Variants in BBOF1 observed in about 807,000 individuals in gnomAD.
BBOF1 encodes the protein basal body-orientation factor 1.
Under a neutral mutation model 68.0 loss-of-function variants are expected in BBOF1, and 62 were observed. The ratio of observed to expected loss-of-function variants is 0.91; its 90% CI spans 0.74 to 1.13. The LOEUF (loss-of-function observed/expected upper bound fraction) is 1.13. Among genes scored for constraint, BBOF1 ranks in the 50% most tolerant of loss-of-function variants. BBOF1 has a pLI of 0.00. For synonymous variants in BBOF1, 208 were observed against 198.8 expected, an observed-to-expected ratio of 1.05 and a Z score of -0.39; for missense variants, 534 against 600.1, an observed-to-expected ratio of 0.89 and a Z score of 1.15.
At chr14:74,043,982 A>T (rs2059893359) in intron 5 of BBOF1, among the ~76,000 whole-genome samples, 1 of 151,762 alleles carries the variant, frequency 6.6e-6, no homozygotes, top group African/African-American at 2.4e-5. Flanking sequence ...ACGGTGGCTC[A>T]CGCCTATAAT....
At chr14:74,066,970 C>T (rs1595118385), downstream of BBOF1, 3 of 1,344,290 alleles carry the variant, frequency 2.2e-6, no homozygotes, top group East Asian at 7.0e-5. Flanking sequence ...AATCCCAAAG[C>T]TTTAGGAGGC....
At chr14:74,042,764 T>C (rs1240162755) in intron 5 of BBOF1, among the ~76,000 whole-genome samples, 2 of 152,100 alleles carry the variant, frequency 1.3e-5, no homozygotes, top group Non-Finnish European at 2.9e-5. Context: ...GCCATGATTG[T>C]GTCACTGTAT....
In BBOF1 at chr14:74,064,794, A is replaced by T. The variant is rs758553673; in HGVS notation, c.*95A>T. 1 of 1,613,178 alleles carries T rather than the reference A, an allele frequency of 6.2e-7. No individual in the cohort carries two copies. Among genetic ancestry groups the T allele is most frequent in the Non-Finnish European group, 8.5e-7 (1 of 1,179,128 alleles). On this transcript the variant is annotated 3_prime_UTR_variant, in exon 12 of 12. Transcript: ENST00000394009. ...TCTTTAAGAAAATTTCTTAAAGGAA[A>T]AGACAAAAAATTTAACTCAAAAGTT...
Position 74,065,080 on chromosome 14 carries a change from C to A in BBOF1, c.*381C>A. ...GAAGAAATGGGGCAATGTGGGAGGTCATGGGGGCAATCTTAAACCAATGAC... is the reference window on the plus strand; with the variant it reads ...GAAGAAATGGGGCAATGTGGGAGGTAATGGGGGCAATCTTAAACCAATGAC... On this transcript the variant is annotated 3_prime_UTR_variant, in exon 12 of 12. Coordinates refer to ENST00000394009, the MANE Select transcript of BBOF1 (RefSeq NM_025057.3). 1 of 1,463,770 alleles carries A rather than the reference C, an allele frequency of 6.8e-7. No individual in the cohort carries two copies. The highest frequency in any genetic ancestry group is 9.5e-7 in the Non-Finnish European group (1 of 1,053,398). 90.7% of individuals were successfully genotyped at this position (1,463,770 alleles called of 1,614,324 possible). A position where few individuals can be genotyped will look rare whatever the true frequency, so the allele number is the denominator to read the frequency against.
chr14:74,053,225 G>A (rs1408448776), intron 8 of BBOF1, among the ~76,000 whole-genome samples: 1 of 151,436 alleles, frequency 6.6e-6, no homozygotes, highest in Non-Finnish European at 1.5e-5. Flanking sequence ...CGATTCTCCT[G>A]CCTCAGCCTC....
At chr14:74,061,462 C>T (rs1432531546) in intron 11 of BBOF1, among the ~76,000 whole-genome samples, 1 of 151,992 alleles carries the variant, frequency 6.6e-6, no homozygotes, top group Non-Finnish European at 1.5e-5. Flanking sequence ...CCACCATGCC[C>T]AGCTATTTTT....
intron 9 of BBOF1, chr14:74,075,161 T>C: frequency 1.4e-6 from 1 of 711,614 alleles, no homozygotes. Flanking sequence ...AGAGAAAAGA[T>C]ATGAATCTAT....
downstream of BBOF1, chr14:74,070,660 T>A (rs979243913): frequency 1.7e-4 from 21 of 126,662 alleles, no homozygotes; most frequent in African/African-American, 7.6e-4. Context: ...GGTATACACA[T>A]CCTGGCTTTT....
At position 74,019,487 on chromosome 14, in the gene BBOF1, G is replaced by T; in HGVS notation, c.9G>T (p.Ser3=). Residue 3 remains serine, a synonymous_variant, in exon 1 of 12, where the codon TCG becomes TCT. Coordinates refer to ENST00000394009, the MANE Select transcript of BBOF1 (RefSeq NM_025057.3). ...CCCCTGGGGAAGCCAAGATGCCGTCGAAGGGAAAGGACAAAAAGAAAGGCA... is the reference window on the plus strand; with the variant it reads ...CCCCTGGGGAAGCCAAGATGCCGTCTAAGGGAAAGGACAAAAAGAAAGGCA... MP[S]KGKDKKKGKS... 6.2e-7 allele frequency: 1 copy of T among 1,605,198 alleles called. No individual in the cohort carries two copies. The highest frequency in any genetic ancestry group is 8.5e-7 in the Non-Finnish European group (1 of 1,175,730).
intron 9 of BBOF1, chr14:74,072,102 C>A: frequency 6.3e-7 from 1 of 1,582,946 alleles, no homozygotes; most frequent in African/African-American, 1.3e-5. Flanking sequence ...AACGTCTCTG[C>A]ATACTGCAGA....
chr14:74,060,658 G>C, intron 11 of BBOF1: 1 of 1,611,736 alleles, frequency 6.2e-7, no homozygotes, highest in Non-Finnish European at 8.5e-7. Context: ...GCCCATGGTA[G>C]GCATGACAAC....
chr14:74,023,925 CAAAAA>C (rs780429164), intron 2 of BBOF1, among the ~76,000 whole-genome samples: 4 of 46,780 alleles, frequency 8.6e-5, no homozygotes, highest in Non-Finnish European at 9.1e-5. Context: ...GACTCCATCT[CAAAAA>C]AAAAAAAAAA....
intron 2 of BBOF1, among the ~76,000 whole-genome samples, chr14:74,025,819 G>C (rs2059410551): frequency 2.0e-5 from 3 of 151,676 alleles, no homozygotes. Context: ...TTCAGGACTG[G>C]AACAGGGAAT....
downstream of BBOF1, chr14:74,069,368 CT>C: frequency 9.8e-6 from 3 of 305,572 alleles, no homozygotes; most frequent in South Asian, 8.9e-5. Context: ...TCCCAAAATG[CT>C]GGGATTACAG....
At chr14:74,075,080 A>T (rs2060597337) in intron 9 of BBOF1, 1 of 1,469,892 alleles carries the variant, frequency 6.8e-7, no homozygotes. Context: ...AAATTTAGCA[A>T]ATAGCTACTA....
chr14:74,048,080 C>T lies in BBOF1; in HGVS notation c.792+6C>T. 3.7e-6 allele frequency: 6 copies of T among 1,604,988 alleles called. No homozygotes were observed. In the African/African-American group the frequency reaches 4.0e-5, roughly 11 times the overall value. On this transcript the variant is annotated splice_donor_region_variant and intron_variant, in intron 7 of 11. Coordinates refer to ENST00000394009, the MANE Select transcript of BBOF1 (RefSeq NM_025057.3). Reference sequence around the variant, plus strand: ...CTTTACTTTTACATCAAAAGGTTCCCTCTCATTTAGACTTGGTGTCCTTCT... The same window carrying T: ...CTTTACTTTTACATCAAAAGGTTCCTTCTCATTTAGACTTGGTGTCCTTCT...
intron 5 of BBOF1, among the ~76,000 whole-genome samples, chr14:74,042,879 GACACAC>G (rs71460947): frequency 0.027 from 3,908 of 143,732 alleles, 163 homozygotes; most frequent in African/African-American, 0.093. Flanking sequence ...CACACACACA[GACACAC>G]ACACACACAC....
At chr14:74,044,753 C>T (rs1174179796) in intron 5 of BBOF1, among the ~76,000 whole-genome samples, 2 of 152,206 alleles carry the variant, frequency 1.3e-5, no homozygotes, top group African/African-American at 2.4e-5. Context: ...TGGTGAAACC[C>T]CGTCTCTACA....
chr14:74,024,563 C>T (rs2059382176), intron 2 of BBOF1, among the ~76,000 whole-genome samples: 1 of 152,152 alleles, frequency 6.6e-6, no homozygotes, highest in South Asian at 2.1e-4. Context: ...CATCCGGGCT[C>T]AGATGATCCT....
Sources: gnomAD v4.1 joint callset for allele counts (sites outside exome capture counted in the v4.1 genomes callset) on GRCh38, gnomAD v4.1.1 for gene constraint, MANE v1.5 for transcripts, NCBI Gene and HGNC (gene_info 2026-07-23, HGNC 2026-07-21) for gene names.